Variants in SOHLH2 observed in about 807,000 individuals in gnomAD.
The protein encoded by SOHLH2 is spermatogenesis- and oogenesis-specific basic helix-loop-helix-containing protein 2.
In SOHLH2, 22 loss-of-function variants were observed where a neutral mutation model predicts 50.4. The observed-to-expected ratio is 0.44, with a 90% CI of 0.31 to 0.62. The LOEUF is 0.62. Among genes scored for constraint, SOHLH2 ranks in the 20% least tolerant of loss-of-function variants. The pLI is 0.08. For missense variants in SOHLH2, 412 were observed against 504.4 expected, an observed-to-expected ratio of 0.82 and a Z score of 1.76; for synonymous variants, 185 against 187.3, an observed-to-expected ratio of 0.99 and a Z score of 0.10.
chr13:36,206,150 AAATT>A (rs1249564590), intron 1 of SOHLH2, among the ~76,000 whole-genome samples: 1 of 152,042 alleles, frequency 6.6e-6, no homozygotes, highest in Non-Finnish European at 1.5e-5. Context: ...ATGTTAATTA[AAATT>A]AATTAAAGTT....
chr13:36,169,818 T>C (rs1271980623), intron 10 of SOHLH2, among the ~76,000 whole-genome samples: 1 of 152,158 alleles, frequency 6.6e-6, no homozygotes, highest in East Asian at 1.9e-4. Flanking sequence ...TGGCTAGAGA[T>C]TGACATAGAT....
At chr13:36,179,556 G>A (rs1488795143) in intron 6 of SOHLH2, among the ~76,000 whole-genome samples, 5 of 152,054 alleles carry the variant, frequency 3.3e-5, no homozygotes, top group Non-Finnish European at 7.4e-5. Context: ...TTACAGGTGT[G>A]TGCCACCAAA....
intron 1 of SOHLH2, among the ~76,000 whole-genome samples, chr13:36,204,204 G>T (rs1320847720): frequency 6.6e-6 from 1 of 151,990 alleles, no homozygotes; most frequent in Non-Finnish European, 1.5e-5. Context: ...GCCCACCTTG[G>T]CCTCCCAAAG....
In SOHLH2 at chr13:36,214,530, C is replaced by T. The variant is rs904564190; in HGVS notation, c.-4G>A. The T allele has an allele frequency of 8.1e-6, 13 of 1,611,050 alleles. No individual in the cohort carries two copies. Among genetic ancestry groups the T allele is most frequent in the Middle Eastern group, 1.6e-4 (1 of 6,080 alleles). On this transcript the variant is annotated 5_prime_UTR_variant, in exon 1 of 11. Transcript: ENST00000379881. ...GGCAGATAATTGAGGAAGCCATGGC[C>T]GCTGCGCACGTGCTGGGTCCTGGGG...
intron 2 of SOHLH2, among the ~76,000 whole-genome samples, chr13:36,201,627 C>T (rs1053013699): frequency 6.6e-5 from 10 of 152,030 alleles, no homozygotes; most frequent in Non-Finnish European, 1.0e-4. Context: ...TCACCATGCC[C>T]GGCTAATTTT....
intron 1 of SOHLH2, among the ~76,000 whole-genome samples, chr13:36,211,717 T>G (rs114550203): frequency 2.2e-3 from 336 of 152,336 alleles, no homozygotes; most frequent in African/African-American, 7.9e-3. Flanking sequence ...ATCAAAATGC[T>G]TACGTTGCAA....
At chr13:36,213,614 C>G (rs1175016209) in intron 1 of SOHLH2, among the ~76,000 whole-genome samples, 1 of 152,146 alleles carries the variant, frequency 6.6e-6, no homozygotes, top group African/African-American at 2.4e-5. Context: ...TCACTTTTAT[C>G]GAAAACAGTT....
rs773692156 is a variant in SOHLH2 at position 36,214,480 on chromosome 13, T to C, written c.47A>G (p.Gln16Arg). ...ICQEHCQISGQAKIDILLVGD... is the reference protein window; with the variant it reads ...ICQEHCQISGRAKIDILLVGD... ...GCCTCCCCTTCCACAGCCTCTTACC[T>C]GGCCCGAGATCTGGCAGTGCTCCTG... The change falls in exon 1 of 11, where the codon CAG (glutamine) becomes CGG (arginine). Residue 16 changes from glutamine (Q) to arginine (R), a missense_variant and splice_region_variant. Physicochemically the swap from Gln to Arg is conservative, Grantham distance 43. Transcript: ENST00000379881. 7.4e-6 allele frequency: 12 copies of C among 1,612,616 alleles called. No individual in the cohort carries two copies. Among genetic ancestry groups the C allele is most frequent in the Non-Finnish European group, 9.3e-6 (11 of 1,179,448 alleles).
rs775471281 is a variant in SOHLH2 at position 36,189,969 on chromosome 13, A to G, written c.618T>C (p.His206=). 55 of 1,594,714 alleles carry G rather than the reference A, an allele frequency of 3.4e-5. No individual in the cohort carries two copies. Among genetic ancestry groups the G allele is most frequent in the Non-Finnish European group, 4.2e-5 (49 of 1,168,510 alleles). The change falls in exon 6 of 11, where the codon CAT becomes CAC. Residue 206 remains histidine (H), a synonymous_variant. Transcript: ENST00000379881. ...FEKNKKISLL[H]SSKEKLRRER... ...ACCTTCTTAGTTTTTCCTTGCTTGA[A>G]TGAAGAAGAGAGATCTTTTTGTTTT...
intron 2 of SOHLH2, among the ~76,000 whole-genome samples, chr13:36,199,791 T>C (rs1374225867): frequency 6.6e-6 from 1 of 152,164 alleles, no homozygotes; most frequent in Non-Finnish European, 1.5e-5. Context: ...ACTTCACTCT[T>C]ATCTTGTTCA....
chr13:36,211,532 TA>T (rs1415300434), intron 1 of SOHLH2, among the ~76,000 whole-genome samples: 15 of 152,324 alleles, frequency 9.8e-5, no homozygotes, highest in East Asian at 7.7e-4. Flanking sequence ...ATCCTTGGAA[TA>T]TAGGAAGAAT....
At chr13:36,181,307 A>G (rs916047178) in intron 6 of SOHLH2, among the ~76,000 whole-genome samples, 3 of 152,076 alleles carry the variant, frequency 2.0e-5, no homozygotes, top group Non-Finnish European at 4.4e-5. Flanking sequence ...GTTTTTATCT[A>G]TTCTGAAAAC....
chr13:36,193,979 G>A, intron 2 of SOHLH2, 112 bp from the exon 3 acceptor site: 4 of 963,816 alleles, frequency 4.2e-6, no homozygotes, highest in South Asian at 4.6e-5. Context: ...CATTTCTTTA[G>A]AATTTAAAAT....
intron 2 of SOHLH2, among the ~76,000 whole-genome samples, chr13:36,200,216 G>A (rs935247221): frequency 7.9e-5 from 12 of 152,246 alleles, no homozygotes; most frequent in Middle Eastern, 3.4e-3. Context: ...ATTATGATGA[G>A]TTCCCAGCCA....
chr13:36,175,958 C>T (rs1056001478), intron 6 of SOHLH2, among the ~76,000 whole-genome samples: 3 of 152,146 alleles, frequency 2.0e-5, no homozygotes, highest in South Asian at 4.1e-4. Flanking sequence ...GAATCTAAAA[C>T]ACAGAGCACA....
intron 2 of SOHLH2, among the ~76,000 whole-genome samples, chr13:36,197,619 T>C (rs564773762): frequency 6.6e-6 from 1 of 152,314 alleles, no homozygotes; most frequent in South Asian, 2.1e-4. Flanking sequence ...TGTGGTTTTC[T>C]TGAGTACAGT....
At chr13:36,211,259 T>A (rs1453287887) in intron 1 of SOHLH2, among the ~76,000 whole-genome samples, 1 of 152,212 alleles carries the variant, frequency 6.6e-6, no homozygotes, top group Admixed American at 6.5e-5. Flanking sequence ...ACATATAAAC[T>A]AGGGTGTCCT....
In SOHLH2 at chr13:36,201,992, G is replaced by C; in HGVS notation, c.150C>G (p.Ile50Met). 1 of 1,614,218 alleles carries C rather than the reference G, an allele frequency of 6.2e-7. No individual in the cohort carries two copies. The highest frequency in any genetic ancestry group is 8.5e-7 in the Non-Finnish European group (1 of 1,180,040). Residue 50 changes from isoleucine (I) to methionine (M), a missense_variant, in exon 2 of 11, where the codon ATC (isoleucine) becomes ATG (methionine). Ile to Met is a conservative substitution (Grantham distance 10). Coordinates refer to ENST00000379881, the MANE Select transcript of SOHLH2 (RefSeq NM_017826.3). The stretch of plus-strand genomic sequence containing the variant: ...GCGCTGCTGCCTCCTTCGTGTCACT[G>C]ATGGTGATGGTGACTTCTGCTATGT... ...FANIAEVTIT[I>M]SDTKEAAALL...
In SOHLH2 at chr13:36,170,722, C is replaced by T; in HGVS notation, c.1066G>A (p.Ala356Thr). 3.7e-6 allele frequency: 6 copies of T among 1,614,176 alleles called. No homozygotes were observed. The highest frequency in any genetic ancestry group is 5.1e-6 in the Non-Finnish European group (6 of 1,180,018). The change falls in exon 10 of 11, where the codon GCG becomes ACG. Residue 356 changes from alanine to threonine, a missense_variant. By Grantham distance (58) the Ala-to-Thr change is moderately conservative. Transcript: ENST00000379881. ...GTATGCAAGGAATTCAGAGACAGCG[C>T]TGCACTGGAAATGTGAGTTTTATAT... The part of the protein sequence containing the change: ...DPYKTHISSA[A>T]LSLNSLHTVR...
Sources: gnomAD v4.1 joint callset for allele counts (sites outside exome capture counted in the v4.1 genomes callset) on GRCh38, gnomAD v4.1.1 for gene constraint, MANE v1.5 for transcripts, NCBI Gene and HGNC (gene_info 2026-07-23, HGNC 2026-07-21) for gene names.